Variants in WFDC10B observed in about 807,000 individuals in gnomAD.
WFDC10B encodes WAP four-disulfide core domain 10B.
Under a neutral mutation model 2.7 loss-of-function variants are expected in WFDC10B, and 1 was observed. That is an observed-to-expected ratio of 0.38 (90% CI 0.13 to 1.79). The LOEUF is 1.79. Ranked by LOEUF, WFDC10B falls within the 40% of genes most tolerant of loss-of-function variation. The pLI is 0.33. For synonymous variants in WFDC10B, 26 were observed against 32.2 expected (o/e 0.81, Z 0.65); for missense variants, 71 against 87.8 (o/e 0.81, Z 0.76).
intron 2 of WFDC10B, among the ~76,000 whole-genome samples, chr20:45,696,494 G>GA (rs1406724399): frequency 6.6e-6 from 1 of 151,866 alleles, no homozygotes; most frequent in African/African-American, 2.4e-5. Flanking sequence ...CAATAAAATT[G>GA]AAAATCTTTA....
chr20:45,687,791 A>G (rs1405273123), intron 2 of WFDC10B, among the ~76,000 whole-genome samples: 3 of 151,720 alleles, frequency 2.0e-5, no homozygotes, highest in Non-Finnish European at 4.4e-5. Flanking sequence ...GGCTGCATAT[A>G]TGTCTTCTCT....
intron 2 of WFDC10B, among the ~76,000 whole-genome samples, chr20:45,700,605 G>GA (rs992024755): frequency 1.3e-5 from 2 of 152,060 alleles, no homozygotes. Context: ...AATATACATA[G>GA]AAAAAAGCAA....
intron 2 of WFDC10B, among the ~76,000 whole-genome samples, chr20:45,703,488 A>C (rs568404366): frequency 6.6e-6 from 1 of 152,230 alleles, no homozygotes; most frequent in Non-Finnish European, 1.5e-5. Flanking sequence ...GCAGAGGAAT[A>C]GACCCACAAT....
chr20:45,696,005 G>A (rs1208752007), intron 2 of WFDC10B, among the ~76,000 whole-genome samples: 2 of 150,576 alleles, frequency 1.3e-5, no homozygotes, highest in East Asian at 2.0e-4. Context: ...AAAAGAGCAC[G>A]GCCAGGCGCA....
chr20:45,699,040 A>G (rs911828606), intron 2 of WFDC10B, among the ~76,000 whole-genome samples: 5 of 152,122 alleles, frequency 3.3e-5, no homozygotes, highest in African/African-American at 9.7e-5. Flanking sequence ...GCTCAACATC[A>G]TTAGTTATTA....
intron 2 of WFDC10B, among the ~76,000 whole-genome samples, chr20:45,697,378 CAT>C (rs1491210331): frequency 1.6e-4 from 16 of 97,398 alleles, no homozygotes; most frequent in African/African-American, 6.2e-4. Flanking sequence ...GACATCCCAT[CAT>C]TTTTTTTTTT....
intron 2 of WFDC10B, among the ~76,000 whole-genome samples, chr20:45,696,420 G>T (rs1045268538): frequency 6.6e-6 from 1 of 151,726 alleles, no homozygotes; most frequent in Non-Finnish European, 1.5e-5. Flanking sequence ...CAGAAAAATG[G>T]AATAGGAAAT....
intron 2 of WFDC10B, among the ~76,000 whole-genome samples, chr20:45,690,116 G>C (rs1364977437): frequency 6.6e-6 from 1 of 152,120 alleles, no homozygotes; most frequent in East Asian, 1.9e-4. Context: ...TTTTGTCTTT[G>C]GTTCTGTTTA....
intron 2 of WFDC10B, among the ~76,000 whole-genome samples, chr20:45,687,860 T>TTTA (rs149834246): frequency 0.18 from 25,657 of 145,186 alleles, 2,337 homozygotes; most frequent in Admixed American, 0.23. Context: ...TGTCTTTTCT[T>TTTA]TTATTATTAT....
At chr20:45,704,595 G>A in intron 1 of WFDC10B, 34 bp from the exon 2 acceptor site, 1 of 1,613,780 alleles carries the variant, frequency 6.2e-7, no homozygotes, top group Non-Finnish European at 8.5e-7. Flanking sequence ...AGCGCAACAG[G>A]TAAGAGATAT....
At chr20:45,692,051 G>A (rs1237021353) in intron 2 of WFDC10B, among the ~76,000 whole-genome samples, 1 of 152,136 alleles carries the variant, frequency 6.6e-6, no homozygotes, top group African/African-American at 2.4e-5. Flanking sequence ...AAATCTCTCA[G>A]TATTTGCTTG....
intron 2 of WFDC10B, among the ~76,000 whole-genome samples, chr20:45,692,322 G>A (rs374656313): frequency 6.6e-6 from 1 of 151,950 alleles, no homozygotes; most frequent in African/African-American, 2.4e-5. Context: ...TCTTGGAGTT[G>A]CTCTTCTCGA....
At chr20:45,691,201 T>C (rs1012688586) in intron 2 of WFDC10B, among the ~76,000 whole-genome samples, 4 of 152,168 alleles carry the variant, frequency 2.6e-5, no homozygotes, top group Non-Finnish European at 4.4e-5. Context: ...ATCTGAGAGA[T>C]AGTTTGTTAT....
At chr20:45,687,459 G>T (rs1008712495) in intron 2 of WFDC10B, among the ~76,000 whole-genome samples, 1 of 152,154 alleles carries the variant, frequency 6.6e-6, no homozygotes, top group African/African-American at 2.4e-5. Context: ...TGTGAATAGT[G>T]CTGCAATGAA....
chr20:45,688,056 G>C lies in WFDC10B; in HGVS notation c.-64-2000C>G, dbSNP rs866868816. Among the ~76,000 whole-genome samples, 617 of 120,214 alleles carry C rather than the reference G, an allele frequency of 5.1e-3. 3 individuals carry two copies. Among genetic ancestry groups the C allele is most frequent in the African/African-American group, 0.019 (590 of 30,386 alleles). 78.9% of individuals were successfully genotyped at this position (120,214 alleles called of 152,430 possible). A position where few individuals can be genotyped will look rare whatever the true frequency, so the allele number is the denominator to read the frequency against. On this transcript the variant is annotated intron_variant, in intron 2 of 3. Coordinates refer to ENST00000330523, the MANE Select transcript of WFDC10B (RefSeq NM_172006.2). ...CACCCCACAACAGTCCCCAGAGTGT[G>C]ATGTTCCCCTTCCTGTGTCCATGTG... is the stretch of plus-strand genomic sequence containing the variant.
intron 2 of WFDC10B, among the ~76,000 whole-genome samples, chr20:45,696,228 G>C (rs1374512038): frequency 6.7e-6 from 1 of 148,822 alleles, no homozygotes; most frequent in African/African-American, 2.5e-5. Context: ...AGAGGTTGCA[G>C]TGAGCCAAGA....
intron 2 of WFDC10B, among the ~76,000 whole-genome samples, chr20:45,687,866 A>ATTAT (rs1983675100): frequency 7.2e-6 from 1 of 139,096 alleles, no homozygotes; most frequent in African/African-American, 2.5e-5. Flanking sequence ...TTCTTTTATT[A>ATTAT]TTATTATTAT....
In WFDC10B at chr20:45,704,579, T is replaced by C; in HGVS notation, c.-129-18A>G. 6.2e-6 allele frequency: 10 copies of C among 1,614,076 alleles called. No individual in the cohort carries two copies. Among genetic ancestry groups the C allele is most frequent in the Non-Finnish European group, 8.5e-6 (10 of 1,179,994 alleles). ...GGGATAGTCTGTTCATCAGAAACAT[T>C]TCAAAAGCGCAACAGGTAAGAGATA... On this transcript the variant is annotated intron_variant, in intron 1 of 3. Coordinates refer to ENST00000330523, the MANE Select transcript of WFDC10B (RefSeq NM_172006.2).
chr20:45,699,418 T>C (rs571116216), intron 2 of WFDC10B, among the ~76,000 whole-genome samples: 36 of 152,198 alleles, frequency 2.4e-4, no homozygotes, highest in Non-Finnish European at 3.4e-4. Context: ...AATTGTGATA[T>C]ATATATATAC....
Sources: allele counts gnomAD v4.1 joint callset (sites outside exome capture counted in the v4.1 genomes callset), GRCh38; gene constraint gnomAD v4.1.1; transcripts MANE v1.5; gene names NCBI Gene and HGNC (gene_info 2026-07-23, HGNC 2026-07-21).